The following GLIS3 variants were observed in gnomAD, a reference collection of about 807,000 sequenced individuals.
The protein encoded by GLIS3 is GLIS family zinc finger 3.
GLIS3 carries 53 observed loss-of-function variants against 78.6 expected under a neutral mutation model. That is an observed-to-expected ratio of 0.67 (90% confidence interval 0.54 to 0.85). The LOEUF is 0.85. Among genes scored for constraint, GLIS3 ranks in the 40% least tolerant of loss-of-function variants. GLIS3 has a pLI of 0.00. For missense variants in GLIS3, 1,703 were observed against 1,231.1 expected, an observed-to-expected ratio of 1.38 and a Z score of -5.74; for synonymous variants, 684 against 509.9, an observed-to-expected ratio of 1.34 and a Z score of -4.60.
At chr9:4,212,695 G>T (rs1008346261) in intron 2 of GLIS3, among the ~76,000 whole-genome samples, 2 of 152,184 alleles carry the variant, frequency 1.3e-5, no homozygotes, top group Non-Finnish European at 2.9e-5. Context: ...CCATGCAGAG[G>T]AAACAGCAGA....
Position 3,970,911 on chromosome 9 carries a change from T to C in GLIS3, c.1711-33722A>G, listed in dbSNP as rs200682613. ...TATTTGCCCTGCTATATGACTTTAG[T>C]ATTCTGAGGGGAAATAAAAAAAGGA... On this transcript the variant is annotated intron_variant, in intron 4 of 10. Transcript: ENST00000381971. Among the ~76,000 whole-genome samples the C allele has an allele frequency of 5.9e-5, 9 of 151,466 alleles. No individual in the cohort carries two copies. In the East Asian group the frequency reaches 9.7e-4, roughly 16 times the overall value.
intron 4 of GLIS3, among the ~76,000 whole-genome samples, chr9:4,096,596 T>C (rs1173517042): frequency 1.3e-5 from 2 of 152,218 alleles, no homozygotes; most frequent in Non-Finnish European, 2.9e-5. Flanking sequence ...ACTCCTAGTG[T>C]GGACGATTCC....
intron 2 of GLIS3, among the ~76,000 whole-genome samples, chr9:4,320,594 TC>T (rs1817509722): frequency 6.6e-6 from 1 of 151,650 alleles, no homozygotes; most frequent in African/African-American, 2.4e-5. Context: ...CCCATCATCA[TC>T]ACCAGCACTA....
chr9:3,846,990 T>G (rs1367873577), intron 9 of GLIS3, among the ~76,000 whole-genome samples: 1 of 151,996 alleles, frequency 6.6e-6, no homozygotes, highest in Non-Finnish European at 1.5e-5. Flanking sequence ...TCAAGACCAG[T>G]CTGGCCAACA....
chr9:4,401,540 C>T, the GLIS3 span, among the ~76,000 whole-genome samples: 18 of 150,004 alleles, frequency 1.2e-4, no homozygotes, highest in East Asian at 2.9e-3. Flanking sequence ...CTTGAATTAC[C>T]GGTGTGAGCC....
the GLIS3 span, among the ~76,000 whole-genome samples, chr9:4,488,641 TC>T: frequency 6.6e-6 from 1 of 152,084 alleles, no homozygotes; most frequent in Non-Finnish European, 1.5e-5. Flanking sequence ...TGTCTCAGCC[TC>T]CCGAATAGCT....
chr9:4,415,847 A>G, the GLIS3 span, among the ~76,000 whole-genome samples: 30 of 152,094 alleles, frequency 2.0e-4, 1 homozygote, highest in South Asian at 6.0e-3. Flanking sequence ...ATACATACTA[A>G]TGGAACAGTC....
rs971943512 is a variant in GLIS3, at chr9:4,235,277, C to T, written c.388+50761G>A. Among the ~76,000 whole-genome samples the T allele has an allele frequency of 5.5e-5, 7 of 127,614 alleles. No individual in the cohort carries two copies. The East Asian group carries it at 1.1e-3, about 20-fold the overall frequency. The allele number at this position is 127,614 out of a possible 152,430, so 83.7% of individuals were successfully genotyped here. Reference sequence around the variant, plus strand: ...TTGCACTACTGCACTCCAGGCTGGGCGACACAGTGAGACTCTGTCTCAAAA... The same window carrying T: ...TTGCACTACTGCACTCCAGGCTGGGTGACACAGTGAGACTCTGTCTCAAAA... On this transcript the variant is annotated intron_variant, in intron 2 of 10. Coordinates refer to ENST00000381971, the MANE Select transcript of GLIS3 (RefSeq NM_001042413.2).
At chr9:4,177,087 G>A (rs1033237640) in intron 2 of GLIS3, among the ~76,000 whole-genome samples, 1 of 152,204 alleles carries the variant, frequency 6.6e-6, no homozygotes, top group African/African-American at 2.4e-5. Context: ...GTCTCAAGGT[G>A]TGCTACTTAC....
chr9:4,233,702 C>A (rs1170101073), intron 2 of GLIS3, among the ~76,000 whole-genome samples: 5 of 152,196 alleles, frequency 3.3e-5, no homozygotes, highest in Admixed American at 1.3e-4. Context: ...TAGCCCCTAA[C>A]AAGGGAGCCA....
chr9:4,098,071 G>A (rs925617069), intron 4 of GLIS3, among the ~76,000 whole-genome samples: 1 of 152,188 alleles, frequency 6.6e-6, no homozygotes, highest in Non-Finnish European at 1.5e-5. Context: ...CTTCCACACA[G>A]CAGGACACTG....
chr9:3,873,199 T>C (rs1821076792), intron 8 of GLIS3, among the ~76,000 whole-genome samples: 1 of 152,124 alleles, frequency 6.6e-6, no homozygotes, highest in Non-Finnish European at 1.5e-5. Context: ...TTCCAAAAAA[T>C]TGAAGAGGGA....
At chr9:3,981,305 A>T (rs567951082) in intron 4 of GLIS3, among the ~76,000 whole-genome samples, 1 of 152,350 alleles carries the variant, frequency 6.6e-6, no homozygotes, top group African/African-American at 2.4e-5. Flanking sequence ...GTTCACCTTA[A>T]TAAGCTCACC....
Position 3,917,289 on chromosome 9 carries a change from C to T in GLIS3, c.1983+15071G>A, listed in dbSNP as rs374390176. Among the ~76,000 whole-genome samples the T allele has an allele frequency of 6.8e-4, 104 of 152,312 alleles. 1 individual carries two copies. The Middle Eastern group carries it at 0.014, about 20-fold the overall frequency. ...GAGTGTGGCCAAAGGGGCAATACCA[C>T]GACAGCATGTGCTGTCAGAGCTGAA... On this transcript the variant is annotated intron_variant, in intron 6 of 10. Coordinates refer to ENST00000381971, the MANE Select transcript of GLIS3 (RefSeq NM_001042413.2).
At chr9:3,974,196 C>T (rs1282052066) in intron 4 of GLIS3, among the ~76,000 whole-genome samples, 3 of 151,884 alleles carry the variant, frequency 2.0e-5, no homozygotes, top group Non-Finnish European at 2.9e-5. Flanking sequence ...TTATGAATTA[C>T]ATACAGTGGC....
chr9:4,225,224 G>C (rs190102112), intron 2 of GLIS3, among the ~76,000 whole-genome samples: 1 of 152,016 alleles, frequency 6.6e-6, no homozygotes, highest in African/African-American at 2.4e-5. Flanking sequence ...CCCTACAACT[G>C]CAAAAGGTTG....
chr9:4,398,689 T>C, the GLIS3 span, among the ~76,000 whole-genome samples: 2 of 151,970 alleles, frequency 1.3e-5, no homozygotes, highest in African/African-American at 4.8e-5. Flanking sequence ...CTTTTGTTGT[T>C]GTTGTTGTAT....
chr9:4,189,298 C>T (rs1818106161), intron 2 of GLIS3, among the ~76,000 whole-genome samples: 1 of 152,104 alleles, frequency 6.6e-6, no homozygotes, highest in Non-Finnish European at 1.5e-5. Flanking sequence ...TTCCATGTAG[C>T]TGAGCGGTTT....
intron 7 of GLIS3, among the ~76,000 whole-genome samples, chr9:3,883,081 C>G (rs1335432734): frequency 6.6e-6 from 1 of 152,142 alleles, no homozygotes; most frequent in Non-Finnish European, 1.5e-5. Flanking sequence ...CCCCATCTCA[C>G]ATACCCTTCA....
Sources: allele counts gnomAD v4.1 joint callset (sites outside exome capture counted in the v4.1 genomes callset), GRCh38; gene constraint gnomAD v4.1.1; transcripts MANE v1.5; gene names NCBI Gene and HGNC (gene_info 2026-07-23, HGNC 2026-07-21).